KCTD8: variants seen among roughly 807,000 people sequenced by gnomAD.
KCTD8 encodes the protein potassium channel tetramerization domain containing 8.
Under a neutral mutation model 31.5 loss-of-function variants are expected in KCTD8, and 27 were observed. The observed-to-expected ratio is 0.86, with a 90% CI of 0.63 to 1.18. The LOEUF is 1.18. Among genes scored for constraint, KCTD8 ranks in the 50% most tolerant of loss-of-function variants. The pLI is 0.00. For synonymous variants in KCTD8, 290 were observed against 280.0 expected, an observed-to-expected ratio of 1.04 and a Z score of -0.36; for missense variants, 658 against 647.7, an observed-to-expected ratio of 1.02 and a Z score of -0.17.
At chr4:44,443,696 T>C (rs1721867349) in intron 1 of KCTD8, among the ~76,000 whole-genome samples, 1 of 152,164 alleles carries the variant, frequency 6.6e-6, no homozygotes, top group Non-Finnish European at 1.5e-5. Context: ...AATATGGAGT[T>C]CAAAACTTGA....
chr4:44,268,126 T>G (rs977648033), intron 1 of KCTD8, among the ~76,000 whole-genome samples: 5 of 152,194 alleles, frequency 3.3e-5, no homozygotes, highest in African/African-American at 1.2e-4. Context: ...TTGATGAACA[T>G]TGATGCAAAA....
At position 44,336,914 on chromosome 4, in the gene KCTD8, AAACG is replaced by A. The variant is rs556109133; in HGVS notation, c.961+110645_961+110648del. ...TGAAACTGCCATATAACAAATCTCT[AAACG>A]AGAGAAGTCTGTTTAGTTTAAGAAA... On this transcript the variant is annotated intron_variant, in intron 1 of 1. Coordinates refer to ENST00000360029, the MANE Select transcript of KCTD8 (RefSeq NM_198353.3). Among the ~76,000 whole-genome samples, 1,167 of 152,270 alleles carry A rather than the reference AAACG, an allele frequency of 7.7e-3. 12 individuals carry two copies. The highest frequency in any genetic ancestry group is 0.027 in the African/African-American group (1,114 of 41,582).
rs1472126722 is a variant in KCTD8, at chr4:44,298,191, T to C, written c.962-122941A>G. Among the ~76,000 whole-genome samples the C allele has an allele frequency of 4.6e-5, 7 of 152,302 alleles. No individual in the cohort carries two copies. In the East Asian group the frequency reaches 1.4e-3, roughly 29 times the overall value. On this transcript the variant is annotated intron_variant, in intron 1 of 1. Coordinates refer to ENST00000360029, the MANE Select transcript of KCTD8 (RefSeq NM_198353.3). ...ACTAGGACTAAAGTTTATCTTTTTC[T>C]CTCTGTGCTCAGATAAGGATTTACA...
chr4:44,349,704 G>A (rs922889574), intron 1 of KCTD8, among the ~76,000 whole-genome samples: 10 of 152,164 alleles, frequency 6.6e-5, no homozygotes, highest in Admixed American at 5.2e-4. Flanking sequence ...TTCCTATCCT[G>A]AATCCTCCAT....
chr4:44,249,256 G>A (rs1715757154), intron 1 of KCTD8, among the ~76,000 whole-genome samples: 1 of 151,680 alleles, frequency 6.6e-6, no homozygotes, highest in Admixed American at 6.6e-5. Flanking sequence ...TTAAATATAT[G>A]TTTTCCTGAC....
At chr4:44,363,678 T>G (rs1223899046) in intron 1 of KCTD8, among the ~76,000 whole-genome samples, 1 of 152,142 alleles carries the variant, frequency 6.6e-6, no homozygotes, top group Non-Finnish European at 1.5e-5. Context: ...ATCTCTATCC[T>G]AGACAAAAGA....
At chr4:44,251,512 T>C (rs1715833251) in intron 1 of KCTD8, among the ~76,000 whole-genome samples, 1 of 151,702 alleles carries the variant, frequency 6.6e-6, no homozygotes, top group South Asian at 2.1e-4. Context: ...TTATATTTTT[T>C]CCATGAAATG....
chr4:44,446,769 C>T (rs1460501486), intron 1 of KCTD8, among the ~76,000 whole-genome samples: 2 of 152,124 alleles, frequency 1.3e-5, no homozygotes, highest in Non-Finnish European at 2.9e-5. Context: ...CTTTCTCTTC[C>T]CCTCCCTCCC....
chr4:44,182,769 C>T (rs1429642197), intron 1 of KCTD8, among the ~76,000 whole-genome samples: 11 of 152,016 alleles, frequency 7.2e-5, no homozygotes. Context: ...GCAAGAAACA[C>T]CCAAGAATGA....
intron 1 of KCTD8, among the ~76,000 whole-genome samples, chr4:44,432,420 A>G (rs1403058732): frequency 6.6e-6 from 1 of 151,624 alleles, no homozygotes; most frequent in East Asian, 1.9e-4. Flanking sequence ...CCTCTTGTTT[A>G]TATTAGACGT....
intron 1 of KCTD8, among the ~76,000 whole-genome samples, chr4:44,415,291 T>C (rs1560449372): frequency 6.6e-6 from 1 of 152,092 alleles, no homozygotes; most frequent in Non-Finnish European, 1.5e-5. Flanking sequence ...TGACTTAAAG[T>C]TGGACTTATA....
chr4:44,215,448 G>C (rs1198181846), intron 1 of KCTD8, among the ~76,000 whole-genome samples: 7 of 152,174 alleles, frequency 4.6e-5, no homozygotes, highest in Admixed American at 4.6e-4. Context: ...CCTCAGGATT[G>C]TGACTGCTAA....
At chr4:44,329,486 T>C (rs1425597917) in intron 1 of KCTD8, among the ~76,000 whole-genome samples, 1 of 152,016 alleles carries the variant, frequency 6.6e-6, no homozygotes, top group Non-Finnish European at 1.5e-5. Flanking sequence ...GCATTAATTT[T>C]AGTGACACTG....
At chr4:44,339,629 A>G (rs371073833) in intron 1 of KCTD8, among the ~76,000 whole-genome samples, 151 of 152,256 alleles carry the variant, frequency 9.9e-4, no homozygotes, top group African/African-American at 3.5e-3. Context: ...AATTAACACA[A>G]CAAGGAGACA....
At chr4:44,208,137 G>C (rs1714372913) in intron 1 of KCTD8, among the ~76,000 whole-genome samples, 1 of 152,120 alleles carries the variant, frequency 6.6e-6, no homozygotes, top group African/African-American at 2.4e-5. Flanking sequence ...TTAAGAAGGG[G>C]TTCAAATTAA....
At chr4:44,266,456 T>C (rs1268637734) in intron 1 of KCTD8, among the ~76,000 whole-genome samples, 1 of 152,106 alleles carries the variant, frequency 6.6e-6, no homozygotes, top group Non-Finnish European at 1.5e-5. Context: ...AATGTAAAGA[T>C]CATCGAGTCT....
At chr4:44,291,576 G>A (rs754736663) in intron 1 of KCTD8, among the ~76,000 whole-genome samples, 75 of 152,024 alleles carry the variant, frequency 4.9e-4, no homozygotes, top group Non-Finnish European at 9.6e-4. Flanking sequence ...AAGAATTTAC[G>A]GCTAAGTCCC....
intron 1 of KCTD8, among the ~76,000 whole-genome samples, chr4:44,358,761 G>A (rs754490065): frequency 6.6e-6 from 1 of 151,984 alleles, no homozygotes; most frequent in African/African-American, 2.4e-5. Context: ...AGCAGAGACG[G>A]GGTTTCACCA....
chr4:44,180,257 ACTC>A (rs1233782551), intron 1 of KCTD8, among the ~76,000 whole-genome samples: 6 of 152,110 alleles, frequency 3.9e-5, no homozygotes, highest in Admixed American at 3.9e-4. Flanking sequence ...CATATAAAGA[ACTC>A]ATCACCATTT....
Sources: gnomAD v4.1 joint callset for allele counts (sites outside exome capture counted in the v4.1 genomes callset) on GRCh38, gnomAD v4.1.1 for gene constraint, MANE v1.5 for transcripts, NCBI Gene and HGNC (gene_info 2026-07-23, HGNC 2026-07-21) for gene names.